Variants in PSTPIP1 observed in about 807,000 individuals in gnomAD.
The protein encoded by PSTPIP1 is proline-serine-threonine phosphatase-interacting protein 1.
In PSTPIP1, 66 loss-of-function variants were observed where a neutral mutation model predicts 69.6. The ratio of observed to expected loss-of-function variants is 0.95; its 90% CI spans 0.78 to 1.16. The LOEUF is 1.16. Among genes scored for constraint, PSTPIP1 ranks in the 50% most tolerant of loss-of-function variants. The probability of loss-of-function intolerance (pLI) is 0.00; values close to 1 mark genes in which losing one functional copy is unlikely to be tolerated. For missense variants in PSTPIP1, 603 were observed against 557.4 expected (o/e 1.08, Z -0.82); for synonymous variants, 266 against 222.7 (o/e 1.19, Z -1.73).
intron 7 of PSTPIP1, 36 bp from the exon 8 acceptor site, chr15:77,029,493 C>A: frequency 3.2e-6 from 5 of 1,558,914 alleles, no homozygotes; most frequent in Non-Finnish European, 4.3e-6. Context: ...GCTCCTGGGG[C>A]AGGGGCTTAG....
rs369508601 is a variant in PSTPIP1, at chr15:77,025,268, C to G, written c.213-16C>G. The G allele has an allele frequency of 6.2e-7, 1 of 1,606,038 alleles. No individual in the cohort carries two copies. Among genetic ancestry groups the G allele is most frequent in the Non-Finnish European group, 8.5e-7 (1 of 1,172,786 alleles). On this transcript the variant is annotated splice_polypyrimidine_tract_variant and intron_variant, in intron 3 of 14. Transcript: ENST00000558012. ...TGTGCTCTCCTCCTCCTGACCTGGACCCATCTGTTTTGCAGCTCCCTGAGG... is the reference window on the plus strand; with the variant it reads ...TGTGCTCTCCTCCTCCTGACCTGGAGCCATCTGTTTTGCAGCTCCCTGAGG...
Position 77,013,573 on chromosome 15 carries a change from C to T in PSTPIP1, c.37-4575C>T, listed in dbSNP as rs114069352. Among the ~76,000 whole-genome samples the T allele has an allele frequency of 7.0e-3, 1,059 of 152,290 alleles. 17 individuals carry two copies. Among genetic ancestry groups the T allele is most frequent in the African/African-American group, 0.024 (995 of 41,556 alleles). ...GCCCCCCTGGAGTCCCTGACCACTC[C>T]GTTCCCTACAGCCTTCCACTTCCAA... On this transcript the variant is annotated intron_variant, in intron 1 of 14. Coordinates refer to ENST00000558012, the MANE Select transcript of PSTPIP1 (RefSeq NM_003978.5).
At chr15:77,002,296 T>G (rs2075725834) in intron 1 of PSTPIP1, among the ~76,000 whole-genome samples, 1 of 152,254 alleles carries the variant, frequency 6.6e-6, no homozygotes, top group Non-Finnish European at 1.5e-5. Flanking sequence ...CTAGAGAGTT[T>G]GTTCTTGCTT....
At chr15:76,997,866 C>CATG (rs2075615069) in intron 1 of PSTPIP1, among the ~76,000 whole-genome samples, 1 of 150,124 alleles carries the variant, frequency 6.7e-6, no homozygotes. Context: ...CAGCTTGGCC[C>CATG]ATGTCTGGGC....
intron 3 of PSTPIP1, among the ~76,000 whole-genome samples, chr15:77,023,419 G>A (rs1008078889): frequency 2.6e-5 from 4 of 152,252 alleles, no homozygotes; most frequent in African/African-American, 9.6e-5. Flanking sequence ...AGGGCTGACA[G>A]GTGGGAGGTG....
intron 1 of PSTPIP1, chr15:77,015,958 G>T: frequency 2.2e-6 from 1 of 456,262 alleles, no homozygotes; most frequent in Non-Finnish European, 4.4e-6. Context: ...AGCCTGCAGG[G>T]CCTCTCGCTG....
At chr15:77,026,329 G>C (rs1401101297) in intron 5 of PSTPIP1, among the ~76,000 whole-genome samples, 3 of 152,186 alleles carry the variant, frequency 2.0e-5, no homozygotes. Flanking sequence ...TTAGTGATGA[G>C]GGTGGTGCCC....
rs185254155 is a variant in PSTPIP1, at chr15:76,996,372, G to C, written c.36+763G>C. Among the ~76,000 whole-genome samples the C allele has an allele frequency of 2.4e-3, 360 of 152,364 alleles. 1 individual carries two copies. Among genetic ancestry groups the C allele is most frequent in the Non-Finnish European group, 3.7e-3 (251 of 68,040 alleles). ...CCCTGGTCATCTCAGCACTTTTCCA[G>C]CTGTCCTTCAACTACCCCTCTGCCC... On this transcript the variant is annotated intron_variant, in intron 1 of 14. Transcript: ENST00000558012.
rs928342121 is a variant in PSTPIP1 at position 77,028,461 on chromosome 15, G to A, written c.418-93G>A. The stretch of plus-strand genomic sequence containing the variant: ...CCACTCCACCCGCAACCCTCGCCAG[G>A]GAAAAAGGGAGGCTGGGCTAAGGGA... On this transcript the variant is annotated intron_variant, in intron 6 of 14. Transcript: ENST00000558012. 1.5e-4 allele frequency: 170 copies of A among 1,141,202 alleles called. 1 individual carries two copies. The Middle Eastern group carries it at 2.6e-3, about 18-fold the overall frequency. 70.7% of individuals were successfully genotyped at this position (1,141,202 alleles called of 1,614,324 possible).
chr15:77,012,662 G>A (rs552373075), intron 1 of PSTPIP1, among the ~76,000 whole-genome samples: 2 of 152,300 alleles, frequency 1.3e-5, no homozygotes, highest in African/African-American at 4.8e-5. Flanking sequence ...GAGCCTGGTT[G>A]CTACCCATTG....
intron 12 of PSTPIP1, among the ~76,000 whole-genome samples, chr15:77,033,795 G>A (rs1413954093): frequency 7.2e-6 from 1 of 139,184 alleles, no homozygotes; most frequent in South Asian, 2.3e-4. Flanking sequence ...GCAGAGGCTC[G>A]TGGGAACCAC....
intron 1 of PSTPIP1, chr15:77,015,763 G>A: frequency 2.8e-6 from 1 of 362,754 alleles, no homozygotes; most frequent in Non-Finnish European, 5.5e-6. Context: ...GCTGGGGGAA[G>A]GGGTGCAGGG....
At chr15:77,002,336 G>C (rs900936095) in intron 1 of PSTPIP1, among the ~76,000 whole-genome samples, 2 of 152,244 alleles carry the variant, frequency 1.3e-5, no homozygotes, top group African/African-American at 4.8e-5. Flanking sequence ...ATGAAAGGAT[G>C]CTTCCCTACA....
At chr15:77,020,980 C>T (rs1189859703) in intron 3 of PSTPIP1, among the ~76,000 whole-genome samples, 4 of 152,200 alleles carry the variant, frequency 2.6e-5, no homozygotes, top group Non-Finnish European at 5.9e-5. Context: ...AGCCCCTGGC[C>T]TCCCTGAGGC....
chr15:77,030,600 G>A lies in PSTPIP1; in HGVS notation c.642+19G>A, dbSNP rs752005551. The A allele has an allele frequency of 6.3e-7, 1 of 1,581,234 alleles. No homozygotes were observed. The highest frequency in any genetic ancestry group is 2.3e-5 in the East Asian group (1 of 43,854). ...CTGTGAGGTGAGTGGCCCACGTGGA[G>A]CCTCGTTTTCCCCAGCTGGGAAGTG... On this transcript the variant is annotated intron_variant, in intron 9 of 14. Coordinates refer to ENST00000558012, the MANE Select transcript of PSTPIP1 (RefSeq NM_003978.5).
chr15:77,023,854 G>T (rs1352068838), intron 3 of PSTPIP1, among the ~76,000 whole-genome samples: 2 of 152,084 alleles, frequency 1.3e-5, no homozygotes, highest in African/African-American at 4.8e-5. Context: ...GAATGAGTGG[G>T]ACTGAGCTGA....
At chr15:77,035,775 G>A (rs770101069) in intron 13 of PSTPIP1, 27 bp from the exon 14 acceptor site, 3 of 1,592,146 alleles carry the variant, frequency 1.9e-6, no homozygotes, top group Admixed American at 1.7e-5. Flanking sequence ...CAGAAGGGGA[G>A]GGGTCTATGT....
chr15:77,036,996 C>T (rs1346097658), intron 14 of PSTPIP1, 49 bp from the exon 15 acceptor site: 10 of 1,578,598 alleles, frequency 6.3e-6, no homozygotes, highest in Non-Finnish European at 8.6e-6. Flanking sequence ...CCTGCAGGCC[C>T]TTCCCTGCAG....
rs2076304365 is a variant in PSTPIP1 at position 77,027,401 on chromosome 15, T to G, written c.355-451T>G. On this transcript the variant is annotated intron_variant, in intron 5 of 14. Coordinates refer to ENST00000558012, the MANE Select transcript of PSTPIP1 (RefSeq NM_003978.5). The surrounding 1 kb of genome is among the most constrained non-coding windows in gnomAD (Gnocchi z 4.3). ...TGTACTTGTGAGTGGCATCTGTGGG[T>G]GTGCACAGGAATGCCTGTGATCATG... 6.6e-6 allele frequency among the ~76,000 whole-genome samples: 1 copy of G among 152,012 alleles called. No individual in the cohort carries two copies. The highest frequency in any genetic ancestry group is 2.1e-4 in the South Asian group (1 of 4,820).
Sources: gnomAD v4.1 joint callset for allele counts (sites outside exome capture counted in the v4.1 genomes callset) on GRCh38, gnomAD v4.1.1 for gene constraint, Gnocchi (gnomAD v3.1) non-coding constraint, MANE v1.5 for transcripts, NCBI Gene and HGNC (gene_info 2026-07-23, HGNC 2026-07-21) for gene names.